The following TNKS1BP1 variants were observed in gnomAD, a reference collection of about 807,000 sequenced individuals.
The protein encoded by TNKS1BP1 is CCR4-NOT transcription complex subunit 12, also known as 182 kDa tankyrase-1-binding protein.
In TNKS1BP1, 48 loss-of-function variants were observed where a neutral mutation model predicts 141.1. The observed-to-expected ratio is 0.34, with a 90% CI of 0.27 to 0.43. The LOEUF is 0.43. TNKS1BP1 is among the 20% of genes least tolerant of loss of function. The probability of loss-of-function intolerance (pLI) is 1.00; values close to 1 mark genes in which losing one functional copy is unlikely to be tolerated. For missense variants in TNKS1BP1, 2,149 were observed against 2,226.0 expected (o/e 0.97, Z 0.70); for synonymous variants, 875 against 898.2 (o/e 0.97, Z 0.46).
intron 5 of TNKS1BP1, chr11:57,311,216 C>A (rs555538621): frequency 5.1e-6 from 5 of 982,634 alleles, no homozygotes; most frequent in Non-Finnish European, 6.0e-6. Flanking sequence ...CCCCACCCCC[C>A]ACCTCACGCT....
At position 57,313,784 on chromosome 11, in the gene TNKS1BP1, G is replaced by C; in HGVS notation, c.904C>G (p.Pro302Ala). The C allele has an allele frequency of 6.3e-7, 1 of 1,595,624 alleles. No individual in the cohort carries two copies. The highest frequency in any genetic ancestry group is 8.5e-7 in the Non-Finnish European group (1 of 1,171,714). ...AEASGSGPGS[P>A]HLHPPDKSSP... ...CTCTTATCAGGCGGGTGAAGATGGGGAGAGCCAGGGCCTGAGCCTGAGGCT... is the reference window on the plus strand; with the variant it reads ...CTCTTATCAGGCGGGTGAAGATGGGCAGAGCCAGGGCCTGAGCCTGAGGCT... Residue 302 changes from proline (P) to alanine (A), a missense_variant, in exon 5 of 12, where the codon CCC becomes GCC. Pro to Ala is a conservative substitution (Grantham distance 27). Coordinates refer to ENST00000358252, the MANE Select transcript of TNKS1BP1 (RefSeq NM_033396.3).
chr11:57,319,112 T>C (rs1255774131), intron 3 of TNKS1BP1, among the ~76,000 whole-genome samples: 3 of 134,654 alleles, frequency 2.2e-5, no homozygotes, highest in Non-Finnish European at 4.6e-5. Flanking sequence ...GCCACTGCAC[T>C]CCAGCCTGGA....
intron 4 of TNKS1BP1, among the ~76,000 whole-genome samples, chr11:57,315,355 A>C (rs1855782517): frequency 1.4e-5 from 2 of 146,940 alleles, no homozygotes; most frequent in Non-Finnish European, 1.5e-5. Flanking sequence ...TCATACCCTC[A>C]CCTCTCTTCT....
chr11:57,306,916 T>TGGGGG (rs1189050190), intron 6 of TNKS1BP1, among the ~76,000 whole-genome samples: 8 of 11,372 alleles, frequency 7.0e-4, no homozygotes, highest in African/African-American at 2.1e-3. Flanking sequence ...GGGGGGGGGT[T>TGGGGG]GGGTGGGAGG....
chr11:57,309,911 C>A lies in TNKS1BP1; in HGVS notation c.2800G>T (p.Asp934Tyr). Residue 934 changes from aspartate to tyrosine, a missense_variant, in exon 6 of 12, where the codon GAT becomes TAT. By Grantham distance (160) the Asp-to-Tyr change is radical. Coordinates refer to ENST00000358252, the MANE Select transcript of TNKS1BP1 (RefSeq NM_033396.3). This position sits in a 1 kb window ranked among gnomAD's most constrained non-coding sequence, Gnocchi z 4.3. ...DEQDWEFQKR[D>Y]VSLGTYGSRA... ...CTGCCATAGGTGCCGAGTGACACATCTCTCTTCTGAAACTCCCAGTCCTGC... is the reference window on the plus strand; with the variant it reads ...CTGCCATAGGTGCCGAGTGACACATATCTCTTCTGAAACTCCCAGTCCTGC... 6.2e-7 allele frequency: 1 copy of A among 1,614,138 alleles called. No homozygotes were observed. The highest frequency in any genetic ancestry group is 8.5e-7 in the Non-Finnish European group (1 of 1,180,024).
chr11:57,300,961 G>A lies in TNKS1BP1; in HGVS notation c.5052C>T (p.Val1684=). Residue 1684 remains valine (V), a synonymous_variant, in exon 10 of 12, where the codon GTC becomes GTT. Transcript: ENST00000358252. ...GGACCTTGCAGGATTTCGAACGCTG[G>A]ACCGCGGACTCCTTCTGGCTCGACT... is the stretch of plus-strand genomic sequence containing the variant. ...ESKSSQKESA[V]QRSKSCKVPG... is the part of the protein sequence containing the mutation. The A allele has an allele frequency of 6.2e-7, 1 of 1,614,096 alleles. No individual in the cohort carries two copies. Among genetic ancestry groups the A allele is most frequent in the Non-Finnish European group, 8.5e-7 (1 of 1,180,000 alleles).
intron 1 of TNKS1BP1, chr11:57,322,176 C>A (rs758989397): frequency 8.3e-6 from 9 of 1,080,028 alleles, no homozygotes; most frequent in South Asian, 2.1e-5. Flanking sequence ...AAAGTCCTAG[C>A]GCTTCAGGGA....
At chr11:57,316,390 A>G (rs752057898) in intron 4 of TNKS1BP1, among the ~76,000 whole-genome samples, 2 of 151,912 alleles carry the variant, frequency 1.3e-5, no homozygotes, top group African/African-American at 2.4e-5. Context: ...TTCCTTTCAA[A>G]TTTGCTCACT....
intron 6 of TNKS1BP1, among the ~76,000 whole-genome samples, chr11:57,306,540 A>T (rs1697684159): frequency 6.6e-6 from 1 of 152,170 alleles, no homozygotes; most frequent in Non-Finnish European, 1.5e-5. Flanking sequence ...GAAAGCATAA[A>T]ATTCAAACAA....
At position 57,310,563 on chromosome 11, in the gene TNKS1BP1, AT is replaced by A; in HGVS notation, c.2155-8del. On this transcript the variant is annotated splice_polypyrimidine_tract_variant and splice_region_variant and intron_variant, in intron 5 of 11. Coordinates refer to ENST00000358252, the MANE Select transcript of TNKS1BP1 (RefSeq NM_033396.3). The stretch of plus-strand genomic sequence containing the variant: ...GGGACCAGCCAAGGAGTCCCTGGGA[AT>A]AAGAAAAAAAAACAGACAAAGAAAC... The A allele has an allele frequency of 6.3e-7, 1 of 1,586,456 alleles. No homozygotes were observed. Among genetic ancestry groups the A allele is most frequent in the Non-Finnish European group, 8.5e-7 (1 of 1,174,356 alleles).
At position 57,313,939 on chromosome 11, in the gene TNKS1BP1, G is replaced by A. The variant is rs185878655; in HGVS notation, c.799-50C>T. On this transcript the variant is annotated intron_variant, in intron 4 of 11. Transcript: ENST00000358252. ...TCCGTCACTCACCTCTCAGCGGGGC[G>A]GGGAGGGTCCCCTCCGACCCCACAC... The A allele has an allele frequency of 6.4e-5, 91 of 1,432,618 alleles. No individual in the cohort carries two copies. In the Admixed American group the frequency reaches 8.7e-4, roughly 14 times the overall value. 88.7% of individuals were successfully genotyped at this position (1,432,618 alleles called of 1,614,324 possible).
At position 57,302,915 on chromosome 11, in the gene TNKS1BP1, C is replaced by T. The variant is rs1855550868; in HGVS notation, c.4317-90G>A. The T allele has an allele frequency of 7.2e-7, 1 of 1,391,840 alleles. No individual in the cohort carries two copies. The highest frequency in any genetic ancestry group is 2.9e-5 in the Admixed American group (1 of 34,776). The allele number at this position is 1,391,840 out of a possible 1,614,324, so 86.2% of individuals were successfully genotyped here. On this transcript the variant is annotated intron_variant, in intron 6 of 11. Coordinates refer to ENST00000358252, the MANE Select transcript of TNKS1BP1 (RefSeq NM_033396.3). This position sits in a 1 kb window ranked among gnomAD's most constrained non-coding sequence, Gnocchi z 5.5. ...CTTCACAAGCTCCTTCCCCCAGCCC[C>T]CAAACTCTCCCTTGCCCTCCTTCCC... is the stretch of plus-strand genomic sequence containing the variant.
chr11:57,308,730 G>A lies in TNKS1BP1; in HGVS notation c.3981C>T (p.Asp1327=), dbSNP rs755751786. 6.2e-7 allele frequency: 1 copy of A among 1,613,712 alleles called. No homozygotes were observed. The highest frequency in any genetic ancestry group is 1.3e-5 in the African/African-American group (1 of 75,004). ...CCCGTAGCCCCTGAGAACCTCCAGA[G>A]TCTGGGTCACAGGTCACCTCCAAAT... ...LRDLEVTCDP[D]SGGSQGLRGC... The change falls in exon 6 of 12, where the codon GAC becomes GAT. Residue 1327 remains aspartate, a synonymous_variant. Coordinates refer to ENST00000358252, the MANE Select transcript of TNKS1BP1 (RefSeq NM_033396.3).
In TNKS1BP1 at chr11:57,302,806, G is replaced by A. The variant is rs202008729; in HGVS notation, c.4336C>T (p.Arg1446Cys). 306 of 1,538,782 alleles carry A rather than the reference G, an allele frequency of 2.0e-4. 1 individual carries two copies. The African/African-American group carries it at 3.1e-3, about 16-fold the overall frequency. Residue 1446 changes from arginine to cysteine, a missense_variant, in exon 7 of 12, where the codon CGC (arginine) becomes TGC (cysteine). Transcript: ENST00000358252. The surrounding 1 kb of genome is among the most constrained non-coding windows in gnomAD (Gnocchi z 5.5). ...CCCTGGGAGCCGGAGGGTGGGGGGC[G>A]GGCCGGGCACCTGCCAGGGCTGTAA... ...FGASPGRCPARPPPSGSQGLL... is the reference protein window; with the variant it reads ...FGASPGRCPACPPPSGSQGLL...
chr11:57,324,874 G>A lies in TNKS1BP1; in HGVS notation c.-100C>T. The A allele has an allele frequency of 2.0e-6, 2 of 989,764 alleles. No individual in the cohort carries two copies. Among genetic ancestry groups the A allele is most frequent in the South Asian group, 4.5e-5 (1 of 22,172 alleles). The allele number at this position is 989,764 out of a possible 1,614,324, so 61.3% of individuals were successfully genotyped here. On this transcript the variant is annotated 5_prime_UTR_variant, in exon 1 of 12. Coordinates refer to ENST00000358252, the MANE Select transcript of TNKS1BP1 (RefSeq NM_033396.3). ...CGGGGTCCGGCTCCGCTCGGCTCGG[G>A]GCCCCGATGCCAGTCCCCGCCGCCG...
At position 57,308,607 on chromosome 11, in the gene TNKS1BP1, G is replaced by T. The variant is rs762092652; in HGVS notation, c.4104C>A (p.Gly1368=). 3.4e-6 allele frequency: 5 copies of T among 1,470,552 alleles called. No homozygotes were observed. In the East Asian group the frequency reaches 1.3e-4, roughly 37 times the overall value. 91.1% of individuals were successfully genotyped at this position (1,470,552 alleles called of 1,614,324 possible). The change falls in exon 6 of 12, where the codon GGC becomes GGA. Residue 1368 remains glycine, a synonymous_variant. Coordinates refer to ENST00000358252, the MANE Select transcript of TNKS1BP1 (RefSeq NM_033396.3). ...CGGGCTCTGGGCACTGGCTCACCCC[G>T]CCCACCCCATGCTCCCTGGCTTCAC... The part of the protein sequence containing the change: ...APSEAREHGV[G]GVSQCPEPGL...
At chr11:57,311,543 T>C (rs1402065212) in intron 5 of TNKS1BP1, 1 of 856,352 alleles carries the variant, frequency 1.2e-6, no homozygotes, top group African/African-American at 1.8e-5. Context: ...AGGAGCCAGT[T>C]GAGTCACCCA....
At position 57,316,715 on chromosome 11, in the gene TNKS1BP1, C is replaced by T. The variant is rs74924674; in HGVS notation, c.798+1103G>A. 5.5e-3 allele frequency among the ~76,000 whole-genome samples: 843 copies of T among 152,294 alleles called. 8 individuals carry two copies. The highest frequency in any genetic ancestry group is 7.9e-3 in the Non-Finnish European group (538 of 68,016). On this transcript the variant is annotated intron_variant, in intron 4 of 11. Transcript: ENST00000358252. ...CGTAGGCTACCTCCAGGGTCCAAGC[C>T]GTCATCATCTCTCACTTGGACTATT...
At chr11:57,322,325 C>G in intron 1 of TNKS1BP1, 5 of 990,368 alleles carry the variant, frequency 5.0e-6, no homozygotes, top group Non-Finnish European at 6.0e-6. Flanking sequence ...TGAAGTCTGT[C>G]TGTGAATCAC....
Sources: allele counts gnomAD v4.1 joint callset (sites outside exome capture counted in the v4.1 genomes callset), GRCh38; gene constraint gnomAD v4.1.1; non-coding constraint Gnocchi (gnomAD v3.1); transcripts MANE v1.5; gene names NCBI Gene and HGNC (gene_info 2026-07-23, HGNC 2026-07-21).